The following SLC35F4 variants were observed in gnomAD, a reference collection of about 807,000 sequenced individuals.
SLC35F4 encodes chromosome 14 open reading frame 36.
Under a neutral mutation model 44.2 loss-of-function variants are expected in SLC35F4, and 24 were observed. That is an observed-to-expected ratio of 0.54 (90% CI 0.39 to 0.76). The LOEUF is 0.76. Ranked by LOEUF, SLC35F4 falls within the 30% of genes least tolerant of loss-of-function variation. The pLI is 0.00. For synonymous variants in SLC35F4, 238 were observed against 223.6 expected (o/e 1.06, Z -0.57); for missense variants, 562 against 586.1 (o/e 0.96, Z 0.42).
Position 57,684,775 on chromosome 14 carries a change from T to C in SLC35F4, c.104-90651A>G, listed in dbSNP as rs151310794. 1.2e-4 allele frequency among the ~76,000 whole-genome samples: 19 copies of C among 152,254 alleles called. No homozygotes were observed. In the East Asian group the frequency reaches 3.5e-3, roughly 28 times the overall value. On this transcript the variant is annotated intron_variant, in intron 1 of 7. Coordinates refer to ENST00000556826, the MANE Select transcript of SLC35F4 (RefSeq NM_001306087.2). ...TCTTCTAGAAGGCAGGCACCCTCAATATTGAAGAGTGATTTTCCAGGCATC... is the reference window on the plus strand; with the variant it reads ...TCTTCTAGAAGGCAGGCACCCTCAACATTGAAGAGTGATTTTCCAGGCATC...
At chr14:57,888,764 A>G (rs1191919006) in intron 1 of SLC35F4, among the ~76,000 whole-genome samples, 3 of 152,230 alleles carry the variant, frequency 2.0e-5, no homozygotes, top group Admixed American at 6.5e-5. Flanking sequence ...TACTTTATTC[A>G]TCAACTACTA....
At chr14:57,691,828 C>CTTG in intron 1 of SLC35F4, among the ~76,000 whole-genome samples, 1 of 152,054 alleles carries the variant, frequency 6.6e-6, no homozygotes, top group Non-Finnish European at 1.5e-5. Flanking sequence ...ATGTGACAGA[C>CTTG]TTAGATGAAC....
chr14:57,569,554 G>T (rs1298338479), intron 6 of SLC35F4, among the ~76,000 whole-genome samples: 4 of 152,184 alleles, frequency 2.6e-5, no homozygotes, highest in Admixed American at 2.6e-4. Context: ...ATACAGAGAG[G>T]CCTGGGCCTC....
At chr14:57,843,913 G>T (rs1161214134) in intron 1 of SLC35F4, among the ~76,000 whole-genome samples, 2 of 151,938 alleles carry the variant, frequency 1.3e-5, no homozygotes, top group African/African-American at 2.4e-5. Flanking sequence ...AATATATATA[G>T]AGAGAGTCAT....
chr14:57,651,720 G>C (rs2073791069), intron 1 of SLC35F4, among the ~76,000 whole-genome samples: 1 of 152,194 alleles, frequency 6.6e-6, no homozygotes, highest in Middle Eastern at 3.4e-3. Flanking sequence ...GTGAGTGAGT[G>C]TGTGTGTGTG....
chr14:57,608,786 C>CGGG (rs879500828), intron 1 of SLC35F4, among the ~76,000 whole-genome samples: 21 of 14,628 alleles, frequency 1.4e-3, no homozygotes, highest in Non-Finnish European at 4.3e-3. Context: ...CAAAAGATGG[C>CGGG]CGGGGGGGGG....
chr14:57,821,589 C>T (rs1202045924), intron 1 of SLC35F4, among the ~76,000 whole-genome samples: 1 of 152,158 alleles, frequency 6.6e-6, no homozygotes, highest in East Asian at 1.9e-4. Context: ...AATAACTTGT[C>T]CATTCAAGTA....
At chr14:57,681,687 A>C (rs2074908675) in intron 1 of SLC35F4, among the ~76,000 whole-genome samples, 1 of 151,924 alleles carries the variant, frequency 6.6e-6, no homozygotes, top group Non-Finnish European at 1.5e-5. Flanking sequence ...TCTGTAGGAC[A>C]AAAGTATCAT....
At position 57,630,230 on chromosome 14, in the gene SLC35F4, T is replaced by C. The variant is rs1204912990; in HGVS notation, c.104-36106A>G. On this transcript the variant is annotated intron_variant, in intron 1 of 7. Transcript: ENST00000556826. ...AGAATGTGTACAGTTCTTCATGCTA[T>C]GATGATGATGACAGATACAGACATT... 9 of 552,146 alleles carry C rather than the reference T, an allele frequency of 1.6e-5. No homozygotes were observed. In the East Asian group the frequency reaches 3.7e-4, roughly 23 times the overall value. The allele number at this position is 552,146 out of a possible 1,614,324, so 34.2% of individuals were successfully genotyped here.
At chr14:57,610,886 G>A (rs1235264001) in intron 1 of SLC35F4, among the ~76,000 whole-genome samples, 2 of 152,230 alleles carry the variant, frequency 1.3e-5, no homozygotes, top group African/African-American at 2.4e-5. Flanking sequence ...GAAGCTTAAA[G>A]TAAGTGAACA....
At chr14:57,668,294 G>A (rs1392696211) in intron 1 of SLC35F4, among the ~76,000 whole-genome samples, 1 of 150,850 alleles carries the variant, frequency 6.6e-6, no homozygotes. Flanking sequence ...TGTTCACTCT[G>A]ATGGTAGTTT....
intron 1 of SLC35F4, among the ~76,000 whole-genome samples, chr14:57,966,925 G>A (rs902048886): frequency 2.0e-5 from 3 of 151,890 alleles, no homozygotes; most frequent in African/African-American, 4.8e-5. Context: ...CAGGAGAATC[G>A]CTTGAACCCA....
chr14:57,890,829 T>C (rs1178755515), intron 1 of SLC35F4, among the ~76,000 whole-genome samples: 1 of 152,218 alleles, frequency 6.6e-6, no homozygotes, highest in Non-Finnish European at 1.5e-5. Flanking sequence ...TGTTGATTGA[T>C]GTTAGAAGAA....
chr14:57,975,927 G>A (rs187015148), downstream of SLC35F4, among the ~76,000 whole-genome samples: 1 of 152,304 alleles, frequency 6.6e-6, no homozygotes, highest in East Asian at 1.9e-4. Context: ...TGGCAACAGG[G>A]TGCCTTGAAT....
intron 1 of SLC35F4, among the ~76,000 whole-genome samples, chr14:57,665,848 G>A (rs561687759): frequency 2.6e-5 from 4 of 152,122 alleles, no homozygotes; most frequent in Admixed American, 6.6e-5. Flanking sequence ...TGGAGCTGGC[G>A]GCCATTCTCC....
intron 1 of SLC35F4, among the ~76,000 whole-genome samples, chr14:57,644,317 G>C (rs2073392706): frequency 6.6e-6 from 1 of 152,152 alleles, no homozygotes. Flanking sequence ...ATTCTAACTA[G>C]TGTGAGATGG....
At chr14:57,861,711 C>T (rs1367205240) in intron 1 of SLC35F4, among the ~76,000 whole-genome samples, 1 of 152,186 alleles carries the variant, frequency 6.6e-6, no homozygotes, top group East Asian at 1.9e-4. Flanking sequence ...TAGCATTGGA[C>T]TCAGCTAAAC....
chr14:57,906,669 T>C (rs1889108517), intron 1 of SLC35F4, among the ~76,000 whole-genome samples: 1 of 152,200 alleles, frequency 6.6e-6, no homozygotes, highest in Non-Finnish European at 1.5e-5. Flanking sequence ...TGTATCAATT[T>C]GCATGCAGGT....
intron 1 of SLC35F4, among the ~76,000 whole-genome samples, chr14:57,714,781 T>C (rs1008205179): frequency 5.9e-5 from 9 of 152,136 alleles, no homozygotes; most frequent in African/African-American, 2.2e-4. Flanking sequence ...GATAGAGAGA[T>C]GCACTGGGTT....
Sources: gnomAD v4.1 joint callset for allele counts (sites outside exome capture counted in the v4.1 genomes callset) on GRCh38, gnomAD v4.1.1 for gene constraint, MANE v1.5 for transcripts, NCBI Gene and HGNC (gene_info 2026-07-23, HGNC 2026-07-21) for gene names.